The following FERMT1 variants were observed in gnomAD, a reference collection of about 807,000 sequenced individuals.
FERMT1 encodes the protein fermitin family homolog 1.
FERMT1 carries 60 observed loss-of-function variants against 85.3 expected under a neutral mutation model. That is an observed-to-expected ratio of 0.70 (90% CI 0.57 to 0.87). The LOEUF (loss-of-function observed/expected upper bound fraction) is 0.87. FERMT1 is among the 40% of genes least tolerant of loss of function. The pLI, the probability that FERMT1 is intolerant of heterozygous loss-of-function variation, is 0.00. For synonymous variants in FERMT1, 275 were observed against 301.1 expected, an observed-to-expected ratio of 0.91 and a Z score of 0.90; for missense variants, 701 against 818.9, an observed-to-expected ratio of 0.86 and a Z score of 1.76.
chr20:6,081,570 C>A (rs1981999802), intron 13 of FERMT1, among the ~76,000 whole-genome samples: 3 of 151,924 alleles, frequency 2.0e-5, no homozygotes, highest in Admixed American at 2.0e-4. Context: ...GTAGCAGGGG[C>A]AGTGGGGTAG....
At chr20:6,113,619 C>G (rs371613130) in intron 3 of FERMT1, among the ~76,000 whole-genome samples, 1 of 152,130 alleles carries the variant, frequency 6.6e-6, no homozygotes, top group South Asian at 2.1e-4. Context: ...TCTGATGGCT[C>G]ACCAGGGTCT....
chr20:6,083,693 TAAAAAAAAAAAACAAA>T (rs1285468331), intron 13 of FERMT1, among the ~76,000 whole-genome samples: 1 of 99,692 alleles, frequency 1.0e-5, no homozygotes, highest in East Asian at 2.6e-4. Flanking sequence ...CCCGATCTCT[TAAAAAAAAAAAACAAA>T]AAAAAAAAAA....
In FERMT1 at chr20:6,110,492, A is replaced by C. The variant is rs757388806; in HGVS notation, c.552T>G (p.Ser184Arg). Residue 184 changes from serine to arginine, a missense_variant, in exon 5 of 15, where the codon AGT becomes AGG. Transcript: ENST00000217289. Reference protein sequence around the residue: ...SGSSVSPGLYSKTMTPIYDPI... With the variant: ...SGSSVSPGLYRKTMTPIYDPI... ...GGTCATATATAGGGGTCATGGTTTT[A>C]CTGTATAAACCAGGACTTACTGCAA... 6.2e-7 allele frequency: 1 copy of C among 1,613,978 alleles called. No individual in the cohort carries two copies. The highest frequency in any genetic ancestry group is 8.5e-7 in the Non-Finnish European group (1 of 1,179,854).
chr20:6,119,441 A>G lies in FERMT1; in HGVS notation c.114T>C (p.His38=), dbSNP rs10373. The part of the protein sequence containing the change: ...DVTLRVSGDL[H]VGGVMLKLVE... ...CTAACTTGAGCATCACTCCTCCAAC[A>G]TGAAGGTCTCCAGATACTCTCAGTG... The change falls in exon 2 of 15, where the codon CAT becomes CAC. Residue 38 remains histidine (H), a synonymous_variant. Transcript: ENST00000217289. The G allele has an allele frequency of 0.53, 849,813 of 1,613,046 alleles. 226,414 individuals carry two copies. Among genetic ancestry groups the G allele is most frequent in the South Asian group, 0.65 (59,325 of 91,068 alleles).
At chr20:6,099,401 C>T (rs1379377348) in intron 6 of FERMT1, among the ~76,000 whole-genome samples, 10 of 132,486 alleles carry the variant, frequency 7.5e-5, no homozygotes, top group Non-Finnish European at 1.4e-4. Context: ...GTGAGACTGT[C>T]TCGAAAAAAA....
In FERMT1 at chr20:6,097,612, T is replaced by C. The variant is rs1290980012; in HGVS notation, c.869A>G (p.Asn290Ser). Residue 290 changes from asparagine (N) to serine (S), a missense_variant, in exon 7 of 15, where the codon AAC becomes AGC. Physicochemically the swap from Asn to Ser is conservative, Grantham distance 46. Transcript: ENST00000217289. ...CCACCTGGCTTGCTCATAGAGTTGG[T>C]TTATTCGGACAGCATCATACTAGAG... Reference protein sequence around the residue: ...LNPKYDAVRINQLYEQARWAI... With the variant: ...LNPKYDAVRISQLYEQARWAI... The C allele has an allele frequency of 1.9e-6, 3 of 1,613,556 alleles. No individual in the cohort carries two copies. Among genetic ancestry groups the C allele is most frequent in the Non-Finnish European group, 2.5e-6 (3 of 1,179,560 alleles).
intron 4 of FERMT1, among the ~76,000 whole-genome samples, chr20:6,111,736 TCTC>T (rs1413638918): frequency 9.9e-5 from 15 of 152,228 alleles, no homozygotes; most frequent in Admixed American, 2.0e-4. Flanking sequence ...AAAGGATGCT[TCTC>T]CTCCAGAATT....
At chr20:6,090,415 C>G (rs1242416881) in intron 9 of FERMT1, among the ~76,000 whole-genome samples, 2 of 151,778 alleles carry the variant, frequency 1.3e-5, no homozygotes, top group African/African-American at 4.8e-5. Flanking sequence ...CTTTCCTTAG[C>G]TAAACATATG....
chr20:6,101,966 T>C (rs1982670974), intron 6 of FERMT1, among the ~76,000 whole-genome samples: 1 of 152,024 alleles, frequency 6.6e-6, no homozygotes, highest in South Asian at 2.1e-4. Context: ...TATGTTTGAG[T>C]TTTAAAAAAT....
At chr20:6,117,543 C>T (rs1184571574) in intron 2 of FERMT1, among the ~76,000 whole-genome samples, 1 of 152,084 alleles carries the variant, frequency 6.6e-6, no homozygotes, top group Non-Finnish European at 1.5e-5. Context: ...AAGTGATTCT[C>T]CTGCCTCAGC....
chr20:6,109,533 GAAAT>G (rs1043243731), intron 5 of FERMT1, among the ~76,000 whole-genome samples: 8 of 152,188 alleles, frequency 5.3e-5, no homozygotes, highest in Admixed American at 3.3e-4. Flanking sequence ...GGTAGTTTCA[GAAAT>G]AGTTTGGGTG....
chr20:6,108,154 C>T (rs1265784562), intron 5 of FERMT1, among the ~76,000 whole-genome samples: 1 of 152,224 alleles, frequency 6.6e-6, no homozygotes, highest in Non-Finnish European at 1.5e-5. Context: ...GCGTGGGCCA[C>T]TGTGCACGGC....
At chr20:6,105,140 T>C (rs1337016909) in intron 6 of FERMT1, among the ~76,000 whole-genome samples, 1 of 152,156 alleles carries the variant, frequency 6.6e-6, no homozygotes, top group Non-Finnish European at 1.5e-5. Context: ...TGATTGTCTA[T>C]TTGTAGAAAA....
chr20:6,114,863 C>CT (rs1983055083), intron 3 of FERMT1, among the ~76,000 whole-genome samples: 1 of 152,044 alleles, frequency 6.6e-6, no homozygotes, highest in Non-Finnish European at 1.5e-5. Context: ...CTCTTATATT[C>CT]TTTTTTAACT....
intron 2 of FERMT1, among the ~76,000 whole-genome samples, chr20:6,118,550 AT>A (rs1348060708): frequency 6.6e-6 from 1 of 152,224 alleles, no homozygotes; most frequent in Non-Finnish European, 1.5e-5. Context: ...ATGTCAGTCA[AT>A]AAGGACTGAA....
At chr20:6,086,957 G>A (rs965862760) in intron 11 of FERMT1, among the ~76,000 whole-genome samples, 5 of 151,958 alleles carry the variant, frequency 3.3e-5, no homozygotes, top group African/African-American at 7.3e-5. Flanking sequence ...CACAACCTTC[G>A]CCATATAACT....
intron 8 of FERMT1, 30 bp from the exon 9 acceptor site, chr20:6,095,018 C>T (rs1487166474): frequency 3.8e-6 from 5 of 1,313,216 alleles, no homozygotes; most frequent in Non-Finnish European, 5.5e-6. Context: ...GTTTCAAAAG[C>T]AGGAACTTCA....
chr20:6,114,636 T>C (rs1222076265), intron 3 of FERMT1, among the ~76,000 whole-genome samples: 1 of 152,238 alleles, frequency 6.6e-6, no homozygotes, highest in East Asian at 1.9e-4. Flanking sequence ...GACTGCAACT[T>C]ACATTCTGTA....
Position 6,087,867 on chromosome 20 carries a change from G to A in FERMT1, c.1281C>T (p.Pro427=). 3 of 1,606,896 alleles carry A rather than the reference G, an allele frequency of 1.9e-6. No homozygotes were observed. Among genetic ancestry groups the A allele is most frequent in the Non-Finnish European group, 2.6e-6 (3 of 1,173,860 alleles). Residue 427 remains proline, a synonymous_variant, in exon 11 of 15, where the codon CCC becomes CCT. Transcript: ENST00000217289. ...ATTTTCTTCCTGCTACATTTACATCGGGCACAACTTCGCAGCCTGAAGGAC... is the reference window on the plus strand; with the variant it reads ...ATTTTCTTCCTGCTACATTTACATCAGGCACAACTTCGCAGCCTGAAGGAC... The part of the protein sequence containing the change: ...KLNLRGCEVV[P]DVNVAGRKFG...
Sources: allele counts gnomAD v4.1 joint callset (sites outside exome capture counted in the v4.1 genomes callset), GRCh38; gene constraint gnomAD v4.1.1; transcripts MANE v1.5; gene names NCBI Gene and HGNC (gene_info 2026-07-23, HGNC 2026-07-21).